The following IFFO2 variants were observed in gnomAD, a reference collection of about 807,000 sequenced individuals.
IFFO2 encodes the protein intermediate filament family orphan 2.
Under a neutral mutation model 53.5 loss-of-function variants are expected in IFFO2, and 19 were observed. That is an observed-to-expected ratio of 0.36 (90% CI 0.25 to 0.52). IFFO2 has a LOEUF of 0.52. IFFO2 is among the 20% of genes least tolerant of loss of function. The pLI is 0.94. For missense variants in IFFO2, 570 were observed against 727.4 expected, an observed-to-expected ratio of 0.78 and a Z score of 2.49; for synonymous variants, 303 against 313.6, an observed-to-expected ratio of 0.97 and a Z score of 0.36.
rs893565973 is a variant in IFFO2, at chr1:18,918,373, T to C, written c.952A>G (p.Lys318Glu). The change falls in exon 4 of 9, where the codon AAG (lysine) becomes GAG (glutamate). Residue 318 changes from lysine to glutamate, a missense_variant. Physicochemically the swap from Lys to Glu is moderately conservative, Grantham distance 56 (BLOSUM62 1). Coordinates refer to ENST00000455833, the MANE Select transcript of IFFO2 (RefSeq NM_001136265.2). The surrounding 1 kb of genome is among the most constrained non-coding windows in gnomAD (Gnocchi z 5.2). ...GCAGCCCTAGTCACCTGGAAGATCT[T>C]GGACACGTCTTCTGAGTTCCGCTGC... ...AQQRNSEDVS[K>E]IFQVVPKKKE... The C allele has an allele frequency of 6.4e-7, 1 of 1,551,732 alleles. No homozygotes were observed. The highest frequency in any genetic ancestry group is 1.4e-5 in the African/African-American group (1 of 73,142).
intron 1 of IFFO2, among the ~76,000 whole-genome samples, chr1:18,951,449 C>G (rs1453424866): frequency 1.3e-5 from 2 of 152,200 alleles, no homozygotes; most frequent in African/African-American, 2.4e-5. Flanking sequence ...GCCACTCGCA[C>G]GGGAGGGAAC....
In IFFO2 at chr1:18,907,758, T is replaced by G. The variant is rs1935972478; in HGVS notation, c.*803A>C. ...CAGATCACCCTAACCCCGGCCTCTC[T>G]CCCAGCTCCAGGGGGAAGCCAGGAG... On this transcript the variant is annotated 3_prime_UTR_variant, in exon 9 of 9. Coordinates refer to ENST00000455833, the MANE Select transcript of IFFO2 (RefSeq NM_001136265.2). 6.6e-6 allele frequency: 1 copy of G among 152,270 alleles called. No homozygotes were observed. The highest frequency in any genetic ancestry group is 2.4e-5 in the African/African-American group (1 of 41,422). 9.4% of individuals were successfully genotyped at this position (152,270 alleles called of 1,614,324 possible).
At position 18,917,005 on chromosome 1, in the gene IFFO2, T is replaced by C. The variant is rs1936142491; in HGVS notation, c.1001A>G (p.Asp334Gly). 1 of 1,552,202 alleles carries C rather than the reference T, an allele frequency of 6.4e-7. No individual in the cohort carries two copies. The highest frequency in any genetic ancestry group is 2.4e-5 in the East Asian group (1 of 40,902). ...PKKKERKVASDDDISEQDGEV... is the reference protein window; with the variant it reads ...PKKKERKVASGDDISEQDGEV... ...CCCGTCCTGCTCAGAGATGTCATCA[T>C]CGGAAGCCACCTTACGCTCTTTCTT... The change falls in exon 5 of 9, where the codon GAT (aspartate) becomes GGT (glycine). Residue 334 changes from aspartate (D) to glycine (G), a missense_variant. Asp to Gly is a moderately conservative substitution (Grantham distance 94). Transcript: ENST00000455833. The surrounding 1 kb of genome is among the most constrained non-coding windows in gnomAD (Gnocchi z 5.9).
chr1:18,915,348 C>T (rs1017734683), intron 5 of IFFO2, among the ~76,000 whole-genome samples: 4 of 146,484 alleles, frequency 2.7e-5, no homozygotes, highest in East Asian at 2.1e-4. Context: ...GGGGGGCTTC[C>T]GGGAGGTGGC....
intron 5 of IFFO2, among the ~76,000 whole-genome samples, chr1:18,914,555 G>A (rs1442971965): frequency 6.6e-6 from 1 of 152,090 alleles, no homozygotes; most frequent in Non-Finnish European, 1.5e-5. Context: ...AGTGGCTCAT[G>A]CCTGTAATTC....
chr1:18,954,935 A>G (rs975210144), intron 1 of IFFO2, among the ~76,000 whole-genome samples: 1 of 152,126 alleles, frequency 6.6e-6, no homozygotes, highest in African/African-American at 2.4e-5. Flanking sequence ...AGACTCAGGG[A>G]GTGGGGAGAA....
intron 1 of IFFO2, among the ~76,000 whole-genome samples, chr1:18,952,763 A>T (rs1936673963): frequency 6.6e-6 from 1 of 152,236 alleles, no homozygotes; most frequent in Admixed American, 6.5e-5. Context: ...CAATGCCCTA[A>T]AACGGGATTG....
Position 18,956,321 on chromosome 1 carries a change from C to T in IFFO2, c.12G>A (p.Ser4=). Reference sequence around the variant, plus strand: ...CCAAGGCCATCTCCCCGAACAGCAGCGAGTTCACCATGCGCCGGCTGCGCG... The same window carrying T: ...CCAAGGCCATCTCCCCGAACAGCAGTGAGTTCACCATGCGCCGGCTGCGCG... The part of the protein sequence containing the change: MVN[S]LLFGEMALAF... The change falls in exon 1 of 9, where the codon TCG becomes TCA. Residue 4 remains serine, a synonymous_variant. Transcript: ENST00000455833. This position sits in a 1 kb window ranked among gnomAD's most constrained non-coding sequence, Gnocchi z 6.4. The T allele has an allele frequency of 2.6e-6, 1 of 387,802 alleles. No individual in the cohort carries two copies. The highest frequency in any genetic ancestry group is 3.9e-6 in the Non-Finnish European group (1 of 258,356). 24.0% of individuals were successfully genotyped at this position (387,802 alleles called of 1,614,324 possible).
chr1:18,923,577 T>C, intron 1 of IFFO2, among the ~76,000 whole-genome samples: 1 of 152,130 alleles, frequency 6.6e-6, no homozygotes, highest in East Asian at 1.9e-4. Flanking sequence ...TTAACCCTCT[T>C]GGGGAAAGAA....
chr1:18,913,847 G>T (rs1465748565), intron 5 of IFFO2, among the ~76,000 whole-genome samples: 1 of 152,056 alleles, frequency 6.6e-6, no homozygotes, highest in East Asian at 1.9e-4. Context: ...TTGTTTGTTT[G>T]TTTGAGACGG....
In IFFO2 at chr1:18,908,038, G is replaced by A. The variant is rs1205992341; in HGVS notation, c.*523C>T. ...AGGCCTAGAAAGCTCACAGAGGCAA[G>A]CGGCTCCTTCCTGGGGGTTGGCAGA... is the stretch of plus-strand genomic sequence containing the variant. On this transcript the variant is annotated 3_prime_UTR_variant, in exon 9 of 9. Coordinates refer to ENST00000455833, the MANE Select transcript of IFFO2 (RefSeq NM_001136265.2). 2 of 157,886 alleles carry A rather than the reference G, an allele frequency of 1.3e-5. No homozygotes were observed. The highest frequency in any genetic ancestry group is 1.8e-4 in the East Asian group (1 of 5,492). 9.8% of individuals were successfully genotyped at this position (157,886 alleles called of 1,614,324 possible). A position where few individuals can be genotyped will look rare whatever the true frequency, so the allele number is the denominator to read the frequency against.
chr1:18,946,350 A>G (rs976034894), intron 1 of IFFO2, among the ~76,000 whole-genome samples: 25 of 150,952 alleles, frequency 1.7e-4, no homozygotes, highest in African/African-American at 5.9e-4. Context: ...GGTACTACAC[A>G]GGTTTAAGGT....
intron 1 of IFFO2, among the ~76,000 whole-genome samples, chr1:18,938,565 C>T (rs1329492599): frequency 6.6e-6 from 1 of 152,226 alleles, no homozygotes; most frequent in Non-Finnish European, 1.5e-5. Context: ...AGCCACTGGG[C>T]GTAACCACCA....
At chr1:18,938,665 A>C (rs970458018) in intron 1 of IFFO2, among the ~76,000 whole-genome samples, 8 of 152,260 alleles carry the variant, frequency 5.3e-5, no homozygotes, top group Middle Eastern at 3.4e-3. Flanking sequence ...CTTCTGCACA[A>C]GGAAGCTCCG....
intron 8 of IFFO2, among the ~76,000 whole-genome samples, chr1:18,909,017 G>A (rs990625656): frequency 9.2e-5 from 14 of 151,820 alleles, no homozygotes; most frequent in Admixed American, 2.0e-4. Context: ...GAGGCCATGC[G>A]GGATATGGTT....
chr1:18,956,193 C>T lies in IFFO2; in HGVS notation c.140G>A (p.Arg47Gln), dbSNP rs1039260410. The change falls in exon 1 of 9, where the codon CGG becomes CAG. Residue 47 changes from arginine to glutamine, a missense_variant. Arg to Gln is a conservative substitution (Grantham distance 43). Transcript: ENST00000455833. This position sits in a 1 kb window ranked among gnomAD's most constrained non-coding sequence, Gnocchi z 6.4. ...PGPSPVTAAL[R>Q]DDLGSNIHLL... is the part of the protein sequence containing the mutation. The stretch of plus-strand genomic sequence containing the variant: ...GTGGATGTTGGAGCCCAGGTCGTCC[C>T]GCAGCGCCGCCGTCACCGGCGACGG... 7.0e-7 allele frequency: 1 copy of T among 1,438,710 alleles called. No individual in the cohort carries two copies. The highest frequency in any genetic ancestry group is 1.5e-5 in the African/African-American group (1 of 66,782). The allele number at this position is 1,438,710 out of a possible 1,614,324, so 89.1% of individuals were successfully genotyped here.
chr1:18,904,969 T>C lies in IFFO2; in HGVS notation c.*3592A>G, dbSNP rs1259743909. The C allele has an allele frequency of 1.3e-5, 2 of 152,280 alleles. No individual in the cohort carries two copies. Among genetic ancestry groups the C allele is most frequent in the Non-Finnish European group, 2.9e-5 (2 of 68,090 alleles). 9.4% of individuals were successfully genotyped at this position (152,280 alleles called of 1,614,324 possible). On this transcript the variant is annotated 3_prime_UTR_variant, in exon 9 of 9. Transcript: ENST00000455833. The stretch of plus-strand genomic sequence containing the variant: ...AAAGGCCCAGGCTCCAAGGAAGTCG[T>C]GTGCTCCCACTGTCACCCATGCTCT...
chr1:18,908,605 C>T lies in IFFO2; in HGVS notation c.1510G>A (p.Asp504Asn), dbSNP rs1397937115. ...ACATCCGCCTCGCGCTCGAACTCAT[C>T]CTGGATCTCATCTGTACTTCCTGAG... ...SDSGSTDEIQ[D>N]EFEREADVEP... Residue 504 changes from aspartate to asparagine, a missense_variant, in exon 9 of 9, where the codon GAT (aspartate) becomes AAT (asparagine). Coordinates refer to ENST00000455833, the MANE Select transcript of IFFO2 (RefSeq NM_001136265.2). 3 of 1,551,660 alleles carry T rather than the reference C, an allele frequency of 1.9e-6. No individual in the cohort carries two copies. In the South Asian group the frequency reaches 3.6e-5, roughly 18 times the overall value.
intron 1 of IFFO2, among the ~76,000 whole-genome samples, chr1:18,922,638 G>A (rs973742290): frequency 2.6e-5 from 4 of 152,042 alleles, no homozygotes; most frequent in Non-Finnish European, 4.4e-5. Context: ...TGAGATCTGC[G>A]TGGGCTCCCG....
Sources: gnomAD v4.1 joint callset for allele counts (sites outside exome capture counted in the v4.1 genomes callset) on GRCh38, gnomAD v4.1.1 for gene constraint, Gnocchi (gnomAD v3.1) non-coding constraint, MANE v1.5 for transcripts, NCBI Gene and HGNC (gene_info 2026-07-23, HGNC 2026-07-21) for gene names.